ARAP2: variants seen among roughly 807,000 people sequenced by gnomAD.
ARAP2 encodes the protein ArfGAP with RhoGAP domain, ankyrin repeat and PH domain 2.
A neutral mutation model predicts 194.5 loss-of-function variants in ARAP2; 148 were observed. The observed-to-expected ratio is 0.76, with a 90% CI of 0.67 to 0.87. ARAP2 has a LOEUF of 0.87. Ranked by LOEUF, ARAP2 falls within the 40% of genes least tolerant of loss-of-function variation. ARAP2 has a pLI of 0.00. For missense variants in ARAP2, 2,128 were observed against 1,989.7 expected, an observed-to-expected ratio of 1.07 and a Z score of -1.32; for synonymous variants, 695 against 683.5, an observed-to-expected ratio of 1.02 and a Z score of -0.26.
rs1733226775 is a variant in ARAP2, at chr4:36,158,858, G to A, written c.2624C>T (p.Pro875Leu). 2.5e-6 allele frequency: 4 copies of A among 1,578,100 alleles called. No individual in the cohort carries two copies. Among genetic ancestry groups the A allele is most frequent in the Middle Eastern group, 1.7e-4 (1 of 5,932 alleles). ...ACCCTCGGAATGAATATCATGTTGA[G>A]GGAAATCTAGAAAAATTAAAGAAAT... ...FLYHNKFSDFPQHDIHSEGVL... is the reference protein window; with the variant it reads ...FLYHNKFSDFLQHDIHSEGVL... Residue 875 changes from proline (P) to leucine (L), a missense_variant, in exon 15 of 33, where the codon CCT (proline) becomes CTT (leucine). By Grantham distance (98) the Pro-to-Leu change is moderately conservative. Transcript: ENST00000303965.
chr4:36,241,512 T>C (rs1190092006), intron 1 of ARAP2, among the ~76,000 whole-genome samples: 1 of 152,180 alleles, frequency 6.6e-6, no homozygotes, highest in Non-Finnish European at 1.5e-5. Flanking sequence ...TTGACAACAG[T>C]GCTAAGGGCT....
chr4:36,068,346 T>C, intron 32 of ARAP2, 68 bp from the exon 33 acceptor site: 1 of 1,466,414 alleles, frequency 6.8e-7, no homozygotes. Context: ...GAAAGTGCAA[T>C]CCACATAAAA....
chr4:36,026,298 G>A (rs1299642890), intron 5 of ARAP2, among the ~76,000 whole-genome samples: 3 of 152,176 alleles, frequency 2.0e-5, no homozygotes, highest in Admixed American at 2.0e-4. Context: ...TGTAGCCTGT[G>A]ATTCACATAT....
chr4:36,203,615 C>A (rs1044114619), intron 6 of ARAP2, among the ~76,000 whole-genome samples: 1 of 151,590 alleles, frequency 6.6e-6, no homozygotes, highest in African/African-American at 2.4e-5. Flanking sequence ...ACAAAAAAAA[C>A]TGGTTACCAG....
At chr4:36,122,845 GT>G (rs1722984472) in intron 22 of ARAP2, among the ~76,000 whole-genome samples, 1 of 151,732 alleles carries the variant, frequency 6.6e-6, no homozygotes, top group African/African-American at 2.4e-5. Context: ...GACGAGAACT[GT>G]AAGTGGCACA....
chr4:36,075,302 C>A (rs1199427686), intron 31 of ARAP2, among the ~76,000 whole-genome samples: 1 of 152,070 alleles, frequency 6.6e-6, no homozygotes, highest in Admixed American at 6.6e-5. Flanking sequence ...ACTGTGAATA[C>A]CAGCTAACTC....
intron 19 of ARAP2, among the ~76,000 whole-genome samples, chr4:36,141,352 T>C (rs1399674956): frequency 6.6e-6 from 1 of 151,672 alleles, no homozygotes; most frequent in East Asian, 1.9e-4. Flanking sequence ...GAAAGCTTTA[T>C]TTTCCAAAAT....
rs148693837 is a variant in ARAP2 at position 36,158,292 on chromosome 4, C to G, written c.2752+438G>C. On this transcript the variant is annotated intron_variant, in intron 15 of 32. Coordinates refer to ENST00000303965, the MANE Select transcript of ARAP2 (RefSeq NM_015230.4). ...TATTTTACTTAAACACACACACACA[C>G]TTTTCATCAGAAAAAAAAAACCTGA... Among the ~76,000 whole-genome samples the G allele has an allele frequency of 8.5e-4, 129 of 152,060 alleles. 1 individual carries two copies. The East Asian group carries it at 0.022, about 26-fold the overall frequency.
rs1735428715 is a variant in ARAP2 at position 36,166,969 on chromosome 4, G to C, written c.1936C>G (p.Gln646Glu). ...TAGGGAGTGATTATTTCAAAAGATT[G>C]TTTCACAGTTCGGTCCACTTGCTTT... ...NVKQVDRTVK[Q>E]SFEIITPYRS... The change falls in exon 10 of 33, where the codon CAA becomes GAA. Residue 646 changes from glutamine to glutamate, a missense_variant. By Grantham distance (29) the Gln-to-Glu change is conservative. Coordinates refer to ENST00000303965, the MANE Select transcript of ARAP2 (RefSeq NM_015230.4). 1 of 1,607,262 alleles carries C rather than the reference G, an allele frequency of 6.2e-7. No individual in the cohort carries two copies. The highest frequency in any genetic ancestry group is 1.3e-5 in the African/African-American group (1 of 74,594).
chr4:36,172,923 C>G (rs1736973144), intron 9 of ARAP2, among the ~76,000 whole-genome samples: 1 of 152,148 alleles, frequency 6.6e-6, no homozygotes, highest in Admixed American at 6.5e-5. Context: ...TGCCACACAA[C>G]CCATCGCCCT....
At chr4:36,213,430 T>C in intron 3 of ARAP2, 111 bp from the exon 4 acceptor site, 1 of 754,212 alleles carries the variant, frequency 1.3e-6, no homozygotes, top group Non-Finnish European at 2.2e-6. Context: ...CAACGTAAGC[T>C]TTATTCTGTA....
chr4:36,033,279 T>A (rs575300105), intron 5 of ARAP2, among the ~76,000 whole-genome samples: 2 of 152,334 alleles, frequency 1.3e-5, no homozygotes, highest in East Asian at 3.9e-4. Flanking sequence ...TAAACCACTT[T>A]ACACACCAAC....
At chr4:36,074,729 TTC>T (rs1385159327) in intron 31 of ARAP2, among the ~76,000 whole-genome samples, 3 of 152,114 alleles carry the variant, frequency 2.0e-5, no homozygotes, top group Admixed American at 6.6e-5. Context: ...TACTCTTTAT[TTC>T]TCTCAGTTCT....
chr4:36,020,925 T>C (rs1389557999), intron 5 of ARAP2, among the ~76,000 whole-genome samples: 1 of 152,170 alleles, frequency 6.6e-6, no homozygotes, highest in African/African-American at 2.4e-5. Context: ...CAAGATGGTA[T>C]ATACAAAACT....
intron 19 of ARAP2, among the ~76,000 whole-genome samples, chr4:36,141,487 A>T (rs1728296236): frequency 6.6e-6 from 1 of 151,692 alleles, no homozygotes; most frequent in African/African-American, 2.4e-5. Context: ...TTTCTGTCTA[A>T]AGACACTCAT....
Position 36,158,852 on chromosome 4 carries a change from T to C in ARAP2, c.2630A>G (p.His877Arg), listed in dbSNP as rs1665837579. The stretch of plus-strand genomic sequence containing the variant: ...TAATACACCCTCGGAATGAATATCA[T>C]GTTGAGGGAAATCTAGAAAAATTAA... ...YHNKFSDFPQ[H>R]DIHSEGVLSQ... is the part of the protein sequence containing the mutation. Residue 877 changes from histidine (H) to arginine (R), a missense_variant, in exon 15 of 33, where the codon CAT becomes CGT. His to Arg is a conservative substitution (Grantham distance 29). Coordinates refer to ENST00000303965, the MANE Select transcript of ARAP2 (RefSeq NM_015230.4). 1.3e-6 allele frequency: 2 copies of C among 1,585,810 alleles called. No individual in the cohort carries two copies. Among genetic ancestry groups the C allele is most frequent in the South Asian group, 1.2e-5 (1 of 82,998 alleles).
chr4:36,211,130 T>C (rs767792079), intron 5 of ARAP2, among the ~76,000 whole-genome samples: 17 of 152,126 alleles, frequency 1.1e-4, no homozygotes, highest in Non-Finnish European at 1.8e-4. Flanking sequence ...AACTCATCTA[T>C]ATGGAGATCT....
At chr4:36,105,424 A>G (rs1422248256) in intron 27 of ARAP2, among the ~76,000 whole-genome samples, 1 of 151,858 alleles carries the variant, frequency 6.6e-6, no homozygotes, top group African/African-American at 2.4e-5. Flanking sequence ...TTGCTTCTCT[A>G]GTTCTTCTCT....
Position 36,084,577 on chromosome 4 carries a change from T to C in ARAP2, c.4426-1127A>G, listed in dbSNP as rs1730384219. ...GAAAATTATCCTAATTAAAATAGAC[T>C]ATTAAAAATTTACAGTTGCCCTAGA... On this transcript the variant is annotated intron_variant, in intron 28 of 32. Transcript: ENST00000303965. Among the ~76,000 whole-genome samples the C allele has an allele frequency of 7.2e-5, 11 of 152,244 alleles. No homozygotes were observed. In the South Asian group the frequency reaches 2.1e-3, roughly 29 times the overall value.
Sources: allele counts gnomAD v4.1 joint callset (sites outside exome capture counted in the v4.1 genomes callset), GRCh38; gene constraint gnomAD v4.1.1; transcripts MANE v1.5; gene names NCBI Gene and HGNC (gene_info 2026-07-23, HGNC 2026-07-21).